KAZN: variants seen among roughly 807,000 people sequenced by gnomAD.
KAZN encodes kazrin, periplakin interacting protein.
A neutral mutation model predicts 87.4 loss-of-function variants in KAZN; 40 were observed. That is an observed-to-expected ratio of 0.46 (90% CI 0.36 to 0.60). The LOEUF (loss-of-function observed/expected upper bound fraction) is 0.60, where lower values mean the gene tolerates loss of function less well. Ranked by LOEUF, KAZN falls within the 20% of genes least tolerant of loss-of-function variation. The probability of loss-of-function intolerance (pLI) is 0.00; values close to 1 mark genes in which losing one functional copy is unlikely to be tolerated. For synonymous variants in KAZN, 466 were observed against 458.3 expected, an observed-to-expected ratio of 1.02 and a Z score of -0.22; for missense variants, 898 against 1,073.9, an observed-to-expected ratio of 0.84 and a Z score of 2.29.
At chr1:14,907,401 C>CAA (rs141495381) in intron 1 of KAZN, among the ~76,000 whole-genome samples, 12 of 98,416 alleles carry the variant, frequency 1.2e-4, no homozygotes, top group Non-Finnish European at 1.3e-4. Context: ...GACCCTGTCT[C>CAA]AAAAAAAAAA....
intron 2 of KAZN, among the ~76,000 whole-genome samples, chr1:14,473,905 C>A (rs554924582): frequency 7.9e-5 from 12 of 152,326 alleles, no homozygotes; most frequent in African/African-American, 2.6e-4. Context: ...CAAATGCTGG[C>A]ACCTCTGAAA....
At chr1:14,875,921 A>T (rs981477109) in intron 1 of KAZN, among the ~76,000 whole-genome samples, 4 of 152,256 alleles carry the variant, frequency 2.6e-5, no homozygotes, top group African/African-American at 9.6e-5. Context: ...CCACATCAAC[A>T]GAGATGCTCG....
intron 2 of KAZN, among the ~76,000 whole-genome samples, chr1:14,541,234 A>C (rs1228612416): frequency 2.0e-5 from 3 of 152,252 alleles, no homozygotes; most frequent in Non-Finnish European, 2.9e-5. Flanking sequence ...CGAAGGAAAT[A>C]GCTGCAAATT....
intron 1 of KAZN, among the ~76,000 whole-genome samples, chr1:14,649,507 G>A (rs1681063429): frequency 6.6e-6 from 1 of 152,106 alleles, no homozygotes; most frequent in South Asian, 2.1e-4. Flanking sequence ...CATTGTCATA[G>A]GCCACGTTCA....
chr1:14,304,619 T>G lies in KAZN; in HGVS notation c.249+124027T>G, dbSNP rs4451542. ...CATCCATAAACACATGGACAATGAA[T>G]TCATTTCAATGCATTTCCAATGATC... On this transcript the variant is annotated intron_variant, in intron 2 of 16. Transcript: ENST00000636203. The G allele has an allele frequency of 0.014, 5,465 of 398,432 alleles. 410 individuals are homozygous for G. In the East Asian group the frequency reaches 0.16, roughly 12 times the overall value. The allele number at this position is 398,432 out of a possible 1,614,324, so 24.7% of individuals were successfully genotyped here.
chr1:15,089,748 A>G (rs1640443628), intron 8 of KAZN, among the ~76,000 whole-genome samples: 2 of 148,818 alleles, frequency 1.3e-5, no homozygotes, highest in Non-Finnish European at 3.0e-5. Flanking sequence ...AAAAAAAAAA[A>G]AAAAAAAAAA....
At chr1:14,544,258 G>C (rs1383405424) in intron 2 of KAZN, among the ~76,000 whole-genome samples, 1 of 150,700 alleles carries the variant, frequency 6.6e-6, no homozygotes, top group Non-Finnish European at 1.5e-5. Context: ...TTTTCTCAAG[G>C]GATCTCAAAT....
intron 1 of KAZN, among the ~76,000 whole-genome samples, chr1:14,920,276 G>GT (rs55641056): frequency 0.23 from 21,628 of 93,890 alleles, 3,163 homozygotes; most frequent in Middle Eastern, 0.27. Context: ...CCTCTTTTCT[G>GT]TTTTTTTTTT....
chr1:14,922,479 C>T (rs562873470), intron 1 of KAZN, among the ~76,000 whole-genome samples: 9 of 152,242 alleles, frequency 5.9e-5, no homozygotes, highest in African/African-American at 2.2e-4. Flanking sequence ...GGGTACTTTT[C>T]TTCCACAGCT....
At chr1:14,881,873 T>G (rs1328401884) in intron 1 of KAZN, among the ~76,000 whole-genome samples, 2 of 152,340 alleles carry the variant, frequency 1.3e-5, no homozygotes, top group Non-Finnish European at 2.9e-5. Flanking sequence ...TGCTGCTGGC[T>G]ATGGTGGTGG....
intron 10 of KAZN, among the ~76,000 whole-genome samples, chr1:15,098,640 G>A (rs539630664): frequency 4.6e-5 from 7 of 152,358 alleles, no homozygotes; most frequent in Non-Finnish European, 7.3e-5. Context: ...GCTCCTGCCC[G>A]AGAGAACCGT....
intron 2 of KAZN, among the ~76,000 whole-genome samples, chr1:14,520,798 GGTTTT>G (rs1241153091): frequency 9.9e-5 from 15 of 152,186 alleles, no homozygotes; most frequent in African/African-American, 3.6e-4. Flanking sequence ...AACCAAAGAT[GGTTTT>G]GTTTTAACAT....
At chr1:14,834,107 C>A (rs1257194384) in intron 1 of KAZN, among the ~76,000 whole-genome samples, 4 of 151,984 alleles carry the variant, frequency 2.6e-5, no homozygotes, top group African/African-American at 9.7e-5. Flanking sequence ...GTGATCTCAG[C>A]TCACCGCAAC....
intron 1 of KAZN, among the ~76,000 whole-genome samples, chr1:14,823,297 G>A (rs953232481): frequency 3.3e-5 from 5 of 152,252 alleles, no homozygotes; most frequent in African/African-American, 4.8e-5. Flanking sequence ...GGACAAACAC[G>A]CGGCTTAGGG....
intron 2 of KAZN, among the ~76,000 whole-genome samples, chr1:14,997,518 G>T (rs1210537899): frequency 6.6e-6 from 1 of 152,148 alleles, no homozygotes; most frequent in Non-Finnish European, 1.5e-5. Context: ...GGGATTACAG[G>T]TGTGAGCCAC....
chr1:14,786,499 C>G (rs1257466551), intron 1 of KAZN, among the ~76,000 whole-genome samples: 2 of 152,070 alleles, frequency 1.3e-5, no homozygotes, highest in Admixed American at 6.5e-5. Flanking sequence ...TGGGCCTAAC[C>G]GGGCATGGTG....
intron 2 of KAZN, among the ~76,000 whole-genome samples, chr1:14,510,479 A>G (rs940655610): frequency 1.3e-5 from 2 of 152,132 alleles, no homozygotes; most frequent in African/African-American, 4.8e-5. Context: ...TATACTTTAT[A>G]CTAAAACAAA....
At chr1:14,160,601 T>C (rs55864990) in intron 1 of KAZN, among the ~76,000 whole-genome samples, 17,527 of 152,206 alleles carry the variant, frequency 0.12, 1,124 homozygotes, top group East Asian at 0.33. Flanking sequence ...AGGTGCTTTT[T>C]TTGTGTGTGG....
chr1:13,974,304 G>A (rs544520554), intron 1 of KAZN, among the ~76,000 whole-genome samples: 1 of 152,314 alleles, frequency 6.6e-6, no homozygotes, highest in South Asian at 2.1e-4. Context: ...TATCATTTAG[G>A]GAAAGTTTAT....
Sources: gnomAD v4.1 joint callset for allele counts (sites outside exome capture counted in the v4.1 genomes callset) on GRCh38, gnomAD v4.1.1 for gene constraint, MANE v1.5 for transcripts, NCBI Gene and HGNC (gene_info 2026-07-23, HGNC 2026-07-21) for gene names.